The following MTUS2 variants were observed in gnomAD, a reference collection of about 807,000 sequenced individuals.
The protein encoded by MTUS2 is microtubule associated scaffold protein 2.
A neutral mutation model predicts 114.1 loss-of-function variants in MTUS2; 40 were observed. The observed-to-expected ratio is 0.35, with a 90% confidence interval of 0.27 to 0.46. MTUS2 has a LOEUF of 0.46. MTUS2 is among the 20% of genes least tolerant of loss of function. MTUS2 has a pLI of 1.00. For missense variants in MTUS2, 1,679 were observed against 1,705.4 expected (o/e 0.98, Z 0.27); for synonymous variants, 688 against 672.0 (o/e 1.02, Z -0.37).
At chr13:29,156,953 T>C (rs769109846) in intron 5 of MTUS2, among the ~76,000 whole-genome samples, 35 of 152,170 alleles carry the variant, frequency 2.3e-4, no homozygotes, top group Non-Finnish European at 4.7e-4. Flanking sequence ...GTGAATAATA[T>C]ATAGTATTGT....
rs373497938 is a variant in MTUS2, at chr13:29,421,053, CTTCTTTTTTCTCTT to C, written c.3118-18927_3118-18914del. ...GCAAAAACACATATGCCATTTCTCT[CTTCTTTTTTCTCTT>C]TTAATTTTCTAAATCCTGGTTATTA... On this transcript the variant is annotated intron_variant, in intron 8 of 15. Coordinates refer to ENST00000612955, the MANE Select transcript of MTUS2 (RefSeq NM_001033602.4). Among the ~76,000 whole-genome samples, 71 of 152,290 alleles carry C rather than the reference CTTCTTTTTTCTCTT, an allele frequency of 4.7e-4. 1 individual carries two copies. The highest frequency in any genetic ancestry group is 1.6e-3 in the African/African-American group (67 of 41,564).
chr13:28,958,831 C>T (rs1467014232), intron 2 of MTUS2, among the ~76,000 whole-genome samples: 1 of 152,174 alleles, frequency 6.6e-6, no homozygotes, highest in African/African-American at 2.4e-5. Flanking sequence ...AAATTCATTT[C>T]AGTGGCCTGT....
chr13:29,342,848 G>A (rs1901467179), intron 7 of MTUS2, among the ~76,000 whole-genome samples: 1 of 151,960 alleles, frequency 6.6e-6, no homozygotes, highest in African/African-American at 2.4e-5. Flanking sequence ...TGCTGATTTT[G>A]CTGAGGGTTT....
intron 2 of MTUS2, among the ~76,000 whole-genome samples, chr13:28,952,192 C>G (rs1485991866): frequency 6.6e-6 from 1 of 152,138 alleles, no homozygotes; most frequent in Non-Finnish European, 1.5e-5. Flanking sequence ...CAGCTTGGTA[C>G]AAAGATACGT....
chr13:29,194,882 T>C, intron 5 of MTUS2, among the ~76,000 whole-genome samples: 1 of 150,344 alleles, frequency 6.7e-6, no homozygotes, highest in African/African-American at 2.4e-5. Flanking sequence ...TAAGAAAATG[T>C]GGCACATATA....
intron 4 of MTUS2, among the ~76,000 whole-genome samples, chr13:29,091,734 A>G (rs1463995515): frequency 6.6e-6 from 1 of 152,232 alleles, no homozygotes; most frequent in Non-Finnish European, 1.5e-5. Flanking sequence ...CAGCTTAAGA[A>G]AGCCCTACCC....
chr13:29,323,179 T>G (rs1900324908), intron 6 of MTUS2, among the ~76,000 whole-genome samples: 1 of 152,028 alleles, frequency 6.6e-6, no homozygotes, highest in Admixed American at 6.5e-5. Context: ...GCTAAACTTG[T>G]AACAATCTAA....
At chr13:28,910,180 G>A (rs774643719) in intron 2 of MTUS2, among the ~76,000 whole-genome samples, 5 of 151,818 alleles carry the variant, frequency 3.3e-5, no homozygotes, top group Non-Finnish European at 5.9e-5. Context: ...CATCCCACCC[G>A]TTACCCTTCC....
At chr13:28,964,004 TAA>T (rs1381529042) in intron 2 of MTUS2, among the ~76,000 whole-genome samples, 2 of 152,196 alleles carry the variant, frequency 1.3e-5, no homozygotes, top group Admixed American at 1.3e-4. Flanking sequence ...ACTTTCCCCA[TAA>T]GTCTTCCCCA....
chr13:29,361,528 G>A (rs7329872), intron 8 of MTUS2, among the ~76,000 whole-genome samples: 3,012 of 152,172 alleles, frequency 0.02, 89 homozygotes, highest in African/African-American at 0.068. Flanking sequence ...CGTCATGCAT[G>A]CCATGTAGTT....
At chr13:28,844,903 C>A (rs1875765221) in intron 2 of MTUS2, among the ~76,000 whole-genome samples, 1 of 152,142 alleles carries the variant, frequency 6.6e-6, no homozygotes, top group African/African-American at 2.4e-5. Context: ...AGGCATGAGC[C>A]ACCATGCCTG....
intron 4 of MTUS2, among the ~76,000 whole-genome samples, chr13:29,096,801 TG>T (rs1207989201): frequency 6.6e-6 from 1 of 152,096 alleles, no homozygotes; most frequent in African/African-American, 2.4e-5. Flanking sequence ...ATAAGCGAGG[TG>T]CGAGGTAGGG....
At chr13:28,984,603 T>G (rs2138308834) in intron 2 of MTUS2, among the ~76,000 whole-genome samples, 2 of 152,322 alleles carry the variant, frequency 1.3e-5, no homozygotes, top group Non-Finnish European at 2.9e-5. Context: ...GGCACTGACA[T>G]CTGATGGAGC....
At chr13:28,859,426 ATG>A (rs769770583) in intron 2 of MTUS2, among the ~76,000 whole-genome samples, 1 of 152,162 alleles carries the variant, frequency 6.6e-6, no homozygotes, top group Non-Finnish European at 1.5e-5. Flanking sequence ...CTGTGGAAAA[ATG>A]TGTTTACATC....
At chr13:29,190,346 T>G (rs1335205567) in intron 5 of MTUS2, among the ~76,000 whole-genome samples, 1 of 152,226 alleles carries the variant, frequency 6.6e-6, no homozygotes, top group Non-Finnish European at 1.5e-5. Context: ...GTTTTAACCC[T>G]CTGATTGAGA....
chr13:29,009,280 C>G (rs919656086), intron 2 of MTUS2, among the ~76,000 whole-genome samples: 1 of 151,980 alleles, frequency 6.6e-6, no homozygotes, highest in African/African-American at 2.4e-5. Context: ...GAATACTACT[C>G]AGCAATAAAG....
intron 5 of MTUS2, among the ~76,000 whole-genome samples, chr13:29,147,322 A>G (rs1387553499): frequency 1.3e-5 from 2 of 152,242 alleles, no homozygotes; most frequent in African/African-American, 4.8e-5. Context: ...TAGCAGTCAT[A>G]AGTATCTGTT....
intron 2 of MTUS2, among the ~76,000 whole-genome samples, chr13:28,950,226 T>A (rs990242975): frequency 6.6e-6 from 1 of 152,230 alleles, no homozygotes; most frequent in Non-Finnish European, 1.5e-5. Context: ...CATATTCTTG[T>A]TGGCCATTTG....
At chr13:28,848,779 T>A (rs1393340829) in intron 2 of MTUS2, among the ~76,000 whole-genome samples, 3 of 152,174 alleles carry the variant, frequency 2.0e-5, no homozygotes, top group African/African-American at 7.2e-5. Flanking sequence ...CCTACAAGGA[T>A]TTGCCCACTC....
Sources: allele counts gnomAD v4.1 joint callset (sites outside exome capture counted in the v4.1 genomes callset), GRCh38; gene constraint gnomAD v4.1.1; transcripts MANE v1.5; gene names NCBI Gene and HGNC (gene_info 2026-07-23, HGNC 2026-07-21).